Variants in MYT1L observed in about 807,000 individuals in gnomAD.
The protein encoded by MYT1L is myelin transcription factor 1 like.
Under a neutral mutation model 126.7 loss-of-function variants are expected in MYT1L, and 12 were observed. That is an observed-to-expected ratio of 0.09 (90% CI 0.06 to 0.15). The LOEUF is 0.15. Ranked by LOEUF, MYT1L falls within the 10% of genes least tolerant of loss-of-function variation. The pLI, the probability that MYT1L is intolerant of heterozygous loss-of-function variation, is 1.00. For synonymous variants in MYT1L, 541 were observed against 604.2 expected, an observed-to-expected ratio of 0.90 and a Z score of 1.53; for missense variants, 979 against 1,585.2, an observed-to-expected ratio of 0.62 and a Z score of 6.49.
At chr2:2,032,855 G>C (rs2066506029) in intron 4 of MYT1L, among the ~76,000 whole-genome samples, 1 of 135,842 alleles carries the variant, frequency 7.4e-6, no homozygotes, top group African/African-American at 2.8e-5. Context: ...TAGAAGGAGG[G>C]CCTTATACAA....
At chr2:2,202,132 G>A (rs570317381) in intron 2 of MYT1L, among the ~76,000 whole-genome samples, 1 of 152,000 alleles carries the variant, frequency 6.6e-6, no homozygotes, top group East Asian at 1.9e-4. Flanking sequence ...GTGTGTAGAG[G>A]GAAATTTATA....
intron 2 of MYT1L, among the ~76,000 whole-genome samples, chr2:2,256,976 C>T (rs2094829248): frequency 6.6e-6 from 1 of 152,172 alleles, no homozygotes; most frequent in Admixed American, 6.5e-5. Flanking sequence ...TAGGTTGCTG[C>T]CTCCTTGAAG....
intron 2 of MYT1L, among the ~76,000 whole-genome samples, chr2:2,185,516 C>CTT (rs2092026511): frequency 2.2e-5 from 3 of 134,958 alleles, no homozygotes; most frequent in Admixed American, 7.5e-5. Context: ...TTCCCGAGTC[C>CTT]CGCGTTCCTT....
intron 18 of MYT1L, among the ~76,000 whole-genome samples, chr2:1,873,613 A>C (rs1349348832): frequency 6.6e-6 from 1 of 152,232 alleles, no homozygotes; most frequent in African/African-American, 2.4e-5. Flanking sequence ...TGATTTGTTC[A>C]GCATCTGGCA....
intron 18 of MYT1L, among the ~76,000 whole-genome samples, chr2:1,870,895 C>CAGGTTG (rs1203659616): frequency 6.6e-6 from 1 of 152,180 alleles, no homozygotes; most frequent in East Asian, 1.9e-4. Flanking sequence ...GTGTGGAGAC[C>CAGGTTG]CAGCTCTGCG....
intron 14 of MYT1L, chr2:1,902,793 A>G: frequency 2.4e-6 from 1 of 424,492 alleles, no homozygotes; most frequent in East Asian, 4.9e-5. Context: ...AAAGACAATA[A>G]GCCAGTCCAT....
intron 4 of MYT1L, among the ~76,000 whole-genome samples, chr2:2,039,711 T>C (rs376472709): frequency 6.6e-6 from 1 of 152,164 alleles, no homozygotes; most frequent in Non-Finnish European, 1.5e-5. Flanking sequence ...GATGAGTTCA[T>C]TTGGGCATAG....
At position 2,101,715 on chromosome 2, in the gene MYT1L, G is replaced by C. The variant is rs114681212; in HGVS notation, c.-303-47592C>G. ...ATCCATCCATCCATTAATCCATCCA[G>C]CCATCCATCCATCCACTCACCCATC... is the stretch of plus-strand genomic sequence containing the variant. On this transcript the variant is annotated intron_variant, in intron 3 of 24. Coordinates refer to ENST00000647738, the MANE Select transcript of MYT1L (RefSeq NM_001303052.2). Among the ~76,000 whole-genome samples, 1,459 of 151,478 alleles carry C rather than the reference G, an allele frequency of 9.6e-3. 20 individuals are homozygous for C. The highest frequency in any genetic ancestry group is 0.034 in the African/African-American group (1,392 of 41,262).
intron 21 of MYT1L, among the ~76,000 whole-genome samples, chr2:1,810,735 A>G (rs1429568407): frequency 6.6e-6 from 1 of 152,206 alleles, no homozygotes; most frequent in African/African-American, 2.4e-5. Flanking sequence ...ATCGTAATAC[A>G]TTTTCAACTG....
Position 1,852,518 on chromosome 2 carries a change from C to T in MYT1L, c.2712-815G>A, listed in dbSNP as rs1558760680. Among the ~76,000 whole-genome samples, 1 of 151,818 alleles carries T rather than the reference C, an allele frequency of 6.6e-6. No individual in the cohort carries two copies. Among genetic ancestry groups the T allele is most frequent in the Admixed American group, 6.6e-5 (1 of 15,230 alleles). ...AAAAAGAGCTTTATAATTATATTGC[C>T]CTCCATATAACTTCTTAACTATGCT... On this transcript the variant is annotated intron_variant, in intron 18 of 24. Coordinates refer to ENST00000647738, the MANE Select transcript of MYT1L (RefSeq NM_001303052.2). This position sits in a 1 kb window ranked among gnomAD's most constrained non-coding sequence, Gnocchi z 4.0.
At chr2:2,046,626 A>G (rs564320095) in intron 4 of MYT1L, among the ~76,000 whole-genome samples, 1 of 152,360 alleles carries the variant, frequency 6.6e-6, no homozygotes, top group Non-Finnish European at 1.5e-5. Context: ...GGTAGAGACC[A>G]GTAGCTCGTC....
At chr2:2,134,454 A>G (rs1351831585) in intron 3 of MYT1L, among the ~76,000 whole-genome samples, 1 of 152,194 alleles carries the variant, frequency 6.6e-6, no homozygotes, top group Non-Finnish European at 1.5e-5. Flanking sequence ...ACATGCTGCT[A>G]TTAACAGAAT....
intron 2 of MYT1L, among the ~76,000 whole-genome samples, chr2:2,191,131 A>G (rs1372297573): frequency 6.6e-6 from 1 of 152,132 alleles, no homozygotes; most frequent in African/African-American, 2.4e-5. Context: ...GGCAGGGTGC[A>G]CTGGTTATGT....
intron 3 of MYT1L, among the ~76,000 whole-genome samples, chr2:2,079,985 T>G (rs1241577655): frequency 6.6e-6 from 1 of 152,128 alleles, no homozygotes; most frequent in Non-Finnish European, 1.5e-5. Flanking sequence ...TACTGATCAA[T>G]GAAATAGAAT....
At chr2:2,197,751 GCACA>G (rs140667495) in intron 2 of MYT1L, among the ~76,000 whole-genome samples, 22,601 of 124,168 alleles carry the variant, frequency 0.18, 1,674 homozygotes, top group African/African-American at 0.22. Flanking sequence ...ATACACACAT[GCACA>G]CACACACACA....
At chr2:2,070,459 G>A (rs537581984) in intron 3 of MYT1L, among the ~76,000 whole-genome samples, 1 of 152,194 alleles carries the variant, frequency 6.6e-6, no homozygotes, top group Non-Finnish European at 1.5e-5. Flanking sequence ...CCAAAGCAAT[G>A]ACAGGACATG....
chr2:1,825,780 C>G (rs1010489103), intron 21 of MYT1L: 1 of 152,230 alleles, frequency 6.6e-6, no homozygotes, highest in Non-Finnish European at 1.5e-5. Context: ...AAGATCCTAG[C>G]GCAGTGGCTG....
rs1169229264 is a variant in MYT1L at position 1,809,164 on chromosome 2, C to T, written c.3084G>A (p.Leu1028=). The change falls in exon 22 of 25, where the codon TTG becomes TTA. Residue 1028 remains leucine, a synonymous_variant. Coordinates refer to ENST00000647738, the MANE Select transcript of MYT1L (RefSeq NM_001303052.2). ...VSGSFLTHRS[L]SGCPRATSAM... ...CTGACGTGGCTCTCGGGCATCCTGA[C>T]AAGCTGTGGACAAGACACAGGACGG... 1.9e-6 allele frequency: 3 copies of T among 1,613,964 alleles called. No homozygotes were observed. Among genetic ancestry groups the T allele is most frequent in the Non-Finnish European group, 2.5e-6 (3 of 1,179,856 alleles).
intron 21 of MYT1L, among the ~76,000 whole-genome samples, chr2:1,813,899 C>G (rs7421464): frequency 1.1e-5 from 1 of 90,776 alleles, no homozygotes; most frequent in Non-Finnish European, 2.2e-5. Flanking sequence ...TGGTAGCGGG[C>G]GCCTGTAGTC....
Sources: gnomAD v4.1 joint callset for allele counts (sites outside exome capture counted in the v4.1 genomes callset) on GRCh38, gnomAD v4.1.1 for gene constraint, Gnocchi (gnomAD v3.1) non-coding constraint, MANE v1.5 for transcripts, NCBI Gene and HGNC (gene_info 2026-07-23, HGNC 2026-07-21) for gene names.